NAA11: variants seen among roughly 807,000 people sequenced by gnomAD.
NAA11 encodes the protein N-alpha-acetyltransferase 11.
NAA11 carries 15 observed loss-of-function variants against 16.1 expected under a neutral mutation model. That is an observed-to-expected ratio of 0.93 (90% CI 0.62 to 1.44). NAA11 has a LOEUF of 1.44. Ranked by LOEUF, NAA11 falls within the 40% of genes most tolerant of loss-of-function variation. The pLI, the probability that NAA11 is intolerant of heterozygous loss-of-function variation, is 0.00. For synonymous variants in NAA11, 122 were observed against 112.4 expected (o/e 1.09, Z -0.54); for missense variants, 298 against 291.3 (o/e 1.02, Z -0.17).
At chr4:79,264,321 G>A (rs887088281) in intron 2 of NAA11, among the ~76,000 whole-genome samples, 2 of 152,058 alleles carry the variant, frequency 1.3e-5, no homozygotes, top group African/African-American at 2.4e-5. Flanking sequence ...CAATGACTTC[G>A]TCTCTTGTAA....
chr4:79,172,510 C>T, the NAA11 span, among the ~76,000 whole-genome samples: 20 of 152,044 alleles, frequency 1.3e-4, no homozygotes, highest in African/African-American at 4.6e-4. Context: ...TTCCCTAAGT[C>T]TCTGGTTGTT....
At chr4:79,176,360 G>A in the NAA11 span, among the ~76,000 whole-genome samples, 3 of 152,132 alleles carry the variant, frequency 2.0e-5, no homozygotes, top group Non-Finnish European at 4.4e-5. Flanking sequence ...ATATGTATAT[G>A]TATATAGAGA....
chr4:79,316,060 T>C (rs1407208474), downstream of NAA11, among the ~76,000 whole-genome samples: 1 of 152,168 alleles, frequency 6.6e-6, no homozygotes, highest in East Asian at 1.9e-4. Flanking sequence ...AGCAAGTCAA[T>C]GTGCCTGGTG....
chr4:79,180,556 C>T, the NAA11 span, among the ~76,000 whole-genome samples: 17 of 152,146 alleles, frequency 1.1e-4, no homozygotes, highest in South Asian at 4.1e-4. Context: ...GTTAGAAAGG[C>T]GATCATTAAA....
At chr4:79,292,458 T>C (rs1046515203) in intron 2 of NAA11, among the ~76,000 whole-genome samples, 3 of 152,210 alleles carry the variant, frequency 2.0e-5, no homozygotes, top group Non-Finnish European at 4.4e-5. Context: ...TAAAACAGAA[T>C]AGAGTAAACC....
At chr4:79,269,595 G>T (rs567205066) in intron 2 of NAA11, among the ~76,000 whole-genome samples, 111 of 150,302 alleles carry the variant, frequency 7.4e-4, no homozygotes, top group South Asian at 5.3e-3. Flanking sequence ...GTAGATTCTG[G>T]ATATTAGCCC....
intron 1 of NAA11, among the ~76,000 whole-genome samples, chr4:79,307,497 G>T (rs1165617701): frequency 6.6e-6 from 1 of 151,980 alleles, no homozygotes; most frequent in Admixed American, 6.6e-5. Context: ...ACATACACAT[G>T]ATTATTAGAA....
intron 2 of NAA11, among the ~76,000 whole-genome samples, chr4:79,235,745 G>A (rs986911565): frequency 1.3e-5 from 2 of 152,062 alleles, no homozygotes; most frequent in Non-Finnish European, 2.9e-5. Flanking sequence ...AGATATAAAT[G>A]TGTGGTAATT....
chr4:79,207,933 A>T, the NAA11 span, among the ~76,000 whole-genome samples: 1 of 152,174 alleles, frequency 6.6e-6, no homozygotes. Context: ...TTGTAATATG[A>T]TCCTCAGTGT....
intron 2 of NAA11, among the ~76,000 whole-genome samples, chr4:79,289,187 A>G (rs1401577734): frequency 6.6e-6 from 1 of 152,198 alleles, no homozygotes; most frequent in African/African-American, 2.4e-5. Flanking sequence ...AAGGTGTCTC[A>G]GTTTATTCCC....
intron 1 of NAA11, among the ~76,000 whole-genome samples, chr4:79,295,595 C>T (rs559050974): frequency 6.6e-6 from 1 of 152,162 alleles, no homozygotes; most frequent in African/African-American, 2.4e-5. Context: ...TTTATCCCCC[C>T]AAACCGTAAT....
intron 2 of NAA11, among the ~76,000 whole-genome samples, chr4:79,243,204 A>G (rs1721732293): frequency 6.6e-6 from 1 of 152,074 alleles, no homozygotes. Context: ...AGACCTCAGG[A>G]CCCTTTCACT....
the NAA11 span, among the ~76,000 whole-genome samples, chr4:79,164,594 G>A: frequency 6.6e-6 from 1 of 152,158 alleles, no homozygotes; most frequent in Non-Finnish European, 1.5e-5. Flanking sequence ...CTGCTAAACA[G>A]CTTGGCTCTC....
At chr4:79,291,844 A>T (rs1174318995) in intron 2 of NAA11, among the ~76,000 whole-genome samples, 1 of 152,234 alleles carries the variant, frequency 6.6e-6, no homozygotes, top group African/African-American at 2.4e-5. Flanking sequence ...GACTTCCAAT[A>T]GGACATAGTA....
chr4:79,163,884 T>C, the NAA11 span, among the ~76,000 whole-genome samples: 1 of 152,224 alleles, frequency 6.6e-6, no homozygotes, highest in Non-Finnish European at 1.5e-5. Flanking sequence ...GGGCCAGAGC[T>C]ATAATCTATT....
intron 1 of NAA11, among the ~76,000 whole-genome samples, chr4:79,311,547 C>G (rs1373656780): frequency 6.6e-6 from 1 of 152,154 alleles, no homozygotes; most frequent in African/African-American, 2.4e-5. Flanking sequence ...CTCCTATTAG[C>G]CTGCCAAGGA....
At chr4:79,166,222 A>T in the NAA11 span, among the ~76,000 whole-genome samples, 3 of 152,136 alleles carry the variant, frequency 2.0e-5, no homozygotes, top group African/African-American at 7.2e-5. Flanking sequence ...TTTCTCTTGC[A>T]CGTCTTGCTG....
the NAA11 span, among the ~76,000 whole-genome samples, chr4:79,166,353 A>G: frequency 2.5e-4 from 38 of 151,804 alleles, no homozygotes; most frequent in Admixed American, 4.6e-4. Context: ...CAGCTGAACA[A>G]CTGAACTTTT....
chr4:79,158,054 C>T, the NAA11 span, among the ~76,000 whole-genome samples: 1 of 152,034 alleles, frequency 6.6e-6, no homozygotes, highest in Non-Finnish European at 1.5e-5. Context: ...GTGCTCGCCA[C>T]CACGCCCTGC....
Sources: allele counts gnomAD v4.1 joint callset (sites outside exome capture counted in the v4.1 genomes callset), GRCh38; gene constraint gnomAD v4.1.1; transcripts MANE v1.5; gene names NCBI Gene and HGNC (gene_info 2026-07-23, HGNC 2026-07-21).